SAMD4B: variants seen among roughly 807,000 people sequenced by gnomAD.
SAMD4B encodes sterile alpha motif domain containing 4B.
In SAMD4B, 5 loss-of-function variants were observed where a neutral mutation model predicts 74.5. The observed-to-expected ratio is 0.07, with a 90% CI of 0.04 to 0.14. The LOEUF is 0.14. Ranked by LOEUF, SAMD4B falls within the 10% of genes least tolerant of loss-of-function variation. The pLI, the probability that SAMD4B is intolerant of heterozygous loss-of-function variation, is 1.00. For missense variants in SAMD4B, 608 were observed against 921.8 expected, an observed-to-expected ratio of 0.66 and a Z score of 4.41; for synonymous variants, 373 against 374.9, an observed-to-expected ratio of 1.00 and a Z score of 0.06.
At chr19:39,347,851 A>T (rs2075794130) in intron 1 of SAMD4B, among the ~76,000 whole-genome samples, 1 of 152,232 alleles carries the variant, frequency 6.6e-6, no homozygotes, top group Non-Finnish European at 1.5e-5. Flanking sequence ...GCATGGAGGC[A>T]CTATTCTAGG....
intron 3 of SAMD4B, among the ~76,000 whole-genome samples, chr19:39,364,154 C>G (rs1270495503): frequency 6.6e-6 from 1 of 152,218 alleles, no homozygotes; most frequent in East Asian, 1.9e-4. Flanking sequence ...GCATTGAGCC[C>G]AACCCTTGGG....
rs1363058593 is a variant in SAMD4B, at chr19:39,378,667, G to A, written c.1530+78G>A. Reference sequence around the variant, plus strand: ...TTCACGCCTGTAGTCCCAGCACTTCGGCCACCGAGGCGGGCGGATCATGAG... The same window carrying A: ...TTCACGCCTGTAGTCCCAGCACTTCAGCCACCGAGGCGGGCGGATCATGAG... On this transcript the variant is annotated intron_variant, in intron 9 of 13. Transcript: ENST00000610417. This position sits in a 1 kb window ranked among gnomAD's most constrained non-coding sequence, Gnocchi z 4.4. 5.7e-6 allele frequency: 7 copies of A among 1,230,472 alleles called. No homozygotes were observed. The highest frequency in any genetic ancestry group is 1.5e-5 in the African/African-American group (1 of 67,060). 76.2% of individuals were successfully genotyped at this position (1,230,472 alleles called of 1,614,324 possible). A position where few individuals can be genotyped will look rare whatever the true frequency, so the allele number is the denominator to read the frequency against.
chr19:39,357,551 GT>G (rs1248235403), intron 3 of SAMD4B, among the ~76,000 whole-genome samples: 1 of 152,232 alleles, frequency 6.6e-6, no homozygotes, highest in Non-Finnish European at 1.5e-5. Flanking sequence ...CTTCCAGAAA[GT>G]TTTGAATTTA....
intron 1 of SAMD4B, among the ~76,000 whole-genome samples, chr19:39,353,463 A>G (rs564976470): frequency 6.6e-6 from 1 of 152,194 alleles, no homozygotes; most frequent in African/African-American, 2.4e-5. Context: ...ATATTCATAT[A>G]TAAGATATAT....
rs2077714227 is a variant in SAMD4B, at chr19:39,378,099, G to A, written c.1444+275G>A. 6.6e-6 allele frequency among the ~76,000 whole-genome samples: 1 copy of A among 152,228 alleles called. No individual in the cohort carries two copies. The highest frequency in any genetic ancestry group is 6.5e-5 in the Admixed American group (1 of 15,282). On this transcript the variant is annotated intron_variant, in intron 8 of 13. Coordinates refer to ENST00000610417, the MANE Select transcript of SAMD4B (RefSeq NM_001384574.2). The surrounding 1 kb of genome is among the most constrained non-coding windows in gnomAD (Gnocchi z 4.4). Reference sequence around the variant, plus strand: ...CAGAAGAAATTCCATGTAGTAAAGGGTGAGCAGTTGAGGGGAGTCCATTGA... The same window carrying A: ...CAGAAGAAATTCCATGTAGTAAAGGATGAGCAGTTGAGGGGAGTCCATTGA...
At chr19:39,374,459 G>C (rs187467928) in intron 4 of SAMD4B, among the ~76,000 whole-genome samples, 1 of 152,320 alleles carries the variant, frequency 6.6e-6, no homozygotes, top group East Asian at 1.9e-4. Flanking sequence ...AGCAGCTTAC[G>C]TACTTCATTC....
downstream of SAMD4B, chr19:39,386,861 T>A (rs1036290867): frequency 9.0e-7 from 1 of 1,112,010 alleles, no homozygotes; most frequent in African/African-American, 1.5e-5. The surrounding 1 kb of genome is among the most constrained non-coding windows in gnomAD (Gnocchi z 6.1). Flanking sequence ...ACCTCCCACT[T>A]CCCCGCCCCC....
rs749339712 is a variant in SAMD4B, at chr19:39,356,920, C to A, written c.27C>A (p.Ile9=). Residue 9 remains isoleucine, a synonymous_variant, in exon 3 of 14, where the codon ATC becomes ATA. Coordinates refer to ENST00000610417, the MANE Select transcript of SAMD4B (RefSeq NM_001384574.2). ...TGATGTTCCGAGACCAGGTGGGCAT[C>A]CTCGCTGGCTGGTTCAAAGGCTGGA... is the stretch of plus-strand genomic sequence containing the variant. The part of the protein sequence containing the change: MMFRDQVG[I]LAGWFKGWNE... The A allele has an allele frequency of 6.2e-7, 1 of 1,612,106 alleles. No homozygotes were observed. Among genetic ancestry groups the A allele is most frequent in the Non-Finnish European group, 8.5e-7 (1 of 1,178,826 alleles).
intron 3 of SAMD4B, among the ~76,000 whole-genome samples, chr19:39,359,428 A>G (rs912206988): frequency 2.6e-5 from 4 of 152,220 alleles, no homozygotes; most frequent in African/African-American, 7.2e-5. Context: ...GTTTTATGAG[A>G]TAAATTCCCT....
chr19:39,376,318 C>A, intron 5 of SAMD4B, 119 bp from the exon 6 acceptor site: 1 of 753,332 alleles, frequency 1.3e-6, no homozygotes, highest in Non-Finnish European at 2.2e-6. Context: ...CTCCCCCCAA[C>A]CCCCTCCCAA....
chr19:39,358,315 G>C (rs1292602776), intron 3 of SAMD4B, among the ~76,000 whole-genome samples: 1 of 152,210 alleles, frequency 6.6e-6, no homozygotes, highest in Non-Finnish European at 1.5e-5. Context: ...TGGCTCTCAA[G>C]TCAGACTGTC....
In SAMD4B at chr19:39,383,788, G is replaced by T; in HGVS notation, c.*261G>T. The T allele has an allele frequency of 7.3e-7, 1 of 1,377,444 alleles. No homozygotes were observed. The highest frequency in any genetic ancestry group is 1.3e-5 in the South Asian group (1 of 78,724). The allele number at this position is 1,377,444 out of a possible 1,614,324, so 85.3% of individuals were successfully genotyped here. ...GGGGCAGGGACTGGCCAGACTGCCT[G>T]CCTCTCTCCTTTCCTTCCTCATCCC... On this transcript the variant is annotated 3_prime_UTR_variant, in exon 14 of 14. Transcript: ENST00000610417. This position sits in a 1 kb window ranked among gnomAD's most constrained non-coding sequence, Gnocchi z 4.1.
downstream of SAMD4B, chr19:39,390,089 G>A (rs2078342514): frequency 3.1e-6 from 5 of 1,613,742 alleles, no homozygotes; most frequent in Non-Finnish European, 4.2e-6. Flanking sequence ...CGAAGGGGTA[G>A]GTGATGAACT....
At chr19:39,361,428 A>G (rs990215482) in intron 3 of SAMD4B, among the ~76,000 whole-genome samples, 4 of 151,204 alleles carry the variant, frequency 2.6e-5, no homozygotes, top group African/African-American at 9.7e-5. Context: ...CATCCTGGCT[A>G]AAATGGTGAA....
intron 3 of SAMD4B, among the ~76,000 whole-genome samples, chr19:39,362,558 C>G (rs2076717906): frequency 1.3e-5 from 2 of 152,076 alleles, no homozygotes; most frequent in Admixed American, 1.3e-4. Context: ...AGAAGAGGTC[C>G]CAGGTTACCC....
At chr19:39,367,593 C>G (rs1376458513) in intron 3 of SAMD4B, among the ~76,000 whole-genome samples, 1 of 150,062 alleles carries the variant, frequency 6.7e-6, no homozygotes, top group South Asian at 2.1e-4. Flanking sequence ...ACTGCAACCT[C>G]CACCTCCCGA....
rs73546072 is a variant in SAMD4B at position 39,353,552 on chromosome 19, C to T, written c.-266-454C>T. Among the ~76,000 whole-genome samples the T allele has an allele frequency of 5.9e-3, 892 of 151,996 alleles. 10 individuals are homozygous for T. The highest frequency in any genetic ancestry group is 0.021 in the African/African-American group (850 of 41,432). ...CATATTACTGTGTAGCTTATGGACA[C>T]CCCTCCAAGTAGTTACAGATCAAAC... On this transcript the variant is annotated intron_variant, in intron 1 of 13. Coordinates refer to ENST00000610417, the MANE Select transcript of SAMD4B (RefSeq NM_001384574.2).
At chr19:39,371,816 C>CAA (rs35567892) in intron 4 of SAMD4B, among the ~76,000 whole-genome samples, 12 of 124,572 alleles carry the variant, frequency 9.6e-5, no homozygotes, top group South Asian at 2.6e-4. Context: ...GACCCCATCT[C>CAA]AAAAAAAAAA....
chr19:39,345,057 T>C (rs2075612194), intron 1 of SAMD4B, among the ~76,000 whole-genome samples: 1 of 152,196 alleles, frequency 6.6e-6, no homozygotes, highest in Admixed American at 6.5e-5. Flanking sequence ...CCCACTCAGA[T>C]CTACTGAAAC....
Sources: allele counts gnomAD v4.1 joint callset (sites outside exome capture counted in the v4.1 genomes callset), GRCh38; gene constraint gnomAD v4.1.1; non-coding constraint Gnocchi (gnomAD v3.1); transcripts MANE v1.5; gene names NCBI Gene and HGNC (gene_info 2026-07-23, HGNC 2026-07-21).